Variants in MRM1 observed in about 807,000 individuals in gnomAD.
MRM1 encodes the protein rRNA methyltransferase 1, mitochondrial.
In MRM1, 24 loss-of-function variants were observed where a neutral mutation model predicts 25.0. The ratio of observed to expected loss-of-function variants is 0.96; its 90% CI spans 0.69 to 1.35. The LOEUF (loss-of-function observed/expected upper bound fraction) is 1.35, where lower values mean the gene tolerates loss of function less well. Among genes scored for constraint, MRM1 ranks in the 40% most tolerant of loss-of-function variants. MRM1 has a pLI of 0.00. For missense variants in MRM1, 431 were observed against 464.1 expected (o/e 0.93, Z 0.65); for synonymous variants, 188 against 199.2 (o/e 0.94, Z 0.47).
Position 36,601,898 on chromosome 17 carries a change from C to T in MRM1, c.88C>T (p.Pro30Ser). The T allele has an allele frequency of 6.2e-7, 1 of 1,611,494 alleles. No homozygotes were observed. The highest frequency in any genetic ancestry group is 2.2e-5 in the East Asian group (1 of 44,848). The change falls in exon 1 of 5, where the codon CCT becomes TCT. Residue 30 changes from proline (P) to serine (S), a missense_variant. Pro to Ser is a moderately conservative substitution (Grantham distance 74). Transcript: ENST00000614766. Reference sequence around the variant, plus strand: ...CCATGCAGCGCGGCATGGGGAGCGGCCTGGTGGGGAGGAGCTAAGCCGCTT... The same window carrying T: ...CCATGCAGCGCGGCATGGGGAGCGGTCTGGTGGGGAGGAGCTAAGCCGCTT... ...FSHAARHGER[P>S]GGEELSRLLL... is the part of the protein sequence containing the mutation.
chr17:36,631,511 T>G, the MRM1 span, among the ~76,000 whole-genome samples: 1 of 152,336 alleles, frequency 6.6e-6, no homozygotes, highest in Admixed American at 6.5e-5. Flanking sequence ...TCTGCTTCCT[T>G]TTGTGAAAGG....
Position 36,602,750 on chromosome 17 carries a change from C to T in MRM1, c.636+104C>T. ...AGGGAGAGAAAGGGGCATGTTGGCA[C>T]CGCTTCCTTTGGCCTTCTAAATCCC... On this transcript the variant is annotated intron_variant, in intron 2 of 4. Coordinates refer to ENST00000614766, the MANE Select transcript of MRM1 (RefSeq NM_024864.5). The surrounding 1 kb of genome is among the most constrained non-coding windows in gnomAD (Gnocchi z 4.1). 7.0e-7 allele frequency: 1 copy of T among 1,421,348 alleles called. No individual in the cohort carries two copies. The highest frequency in any genetic ancestry group is 1.2e-5 in the South Asian group (1 of 83,566). 88.0% of individuals were successfully genotyped at this position (1,421,348 alleles called of 1,614,324 possible). A position where few individuals can be genotyped will look rare whatever the true frequency, so the allele number is the denominator to read the frequency against.
In MRM1 at chr17:36,608,429, C is replaced by G; in HGVS notation, c.*14C>G. 1 of 1,513,888 alleles carries G rather than the reference C, an allele frequency of 6.6e-7. No homozygotes were observed. Among genetic ancestry groups the G allele is most frequent in the Non-Finnish European group, 8.8e-7 (1 of 1,130,636 alleles). The allele number at this position is 1,513,888 out of a possible 1,614,324, so 93.8% of individuals were successfully genotyped here. A position where few individuals can be genotyped will look rare whatever the true frequency, so the allele number is the denominator to read the frequency against. On this transcript the variant is annotated 3_prime_UTR_variant, in exon 5 of 5. Transcript: ENST00000614766. The stretch of plus-strand genomic sequence containing the variant: ...AATGAGGGCTGACGTGGACTGTCCA[C>G]AGTGTTCATGTGCTGGAGTCAGGGA...
Position 36,601,780 on chromosome 17 carries a change from G to T in MRM1, c.-31G>T. ...GTTACCGCTCCCGGGGACGCAGCAA[G>T]GGGCATCGAGTCCCTGGCGGGAGCT... On this transcript the variant is annotated 5_prime_UTR_variant, in exon 1 of 5. In the 5' UTR this introduces an upstream ATG that the reference lacks. Transcript: ENST00000614766. 1 of 1,516,278 alleles carries T rather than the reference G, an allele frequency of 6.6e-7. No homozygotes were observed. Among genetic ancestry groups the T allele is most frequent in the Non-Finnish European group, 8.8e-7 (1 of 1,135,502 alleles). The allele number at this position is 1,516,278 out of a possible 1,614,324, so 93.9% of individuals were successfully genotyped here.
At chr17:36,630,936 T>C in the MRM1 span, among the ~76,000 whole-genome samples, 1 of 152,180 alleles carries the variant, frequency 6.6e-6, no homozygotes, top group Non-Finnish European at 1.5e-5. Context: ...TGGGCGAGTT[T>C]CCTGGAGTAA....
the MRM1 span, among the ~76,000 whole-genome samples, chr17:36,615,139 C>T: frequency 1.1e-4 from 16 of 152,316 alleles, no homozygotes; most frequent in East Asian, 7.7e-4. Context: ...GCCTGTCCTT[C>T]GCCCCTGCCA....
the MRM1 span, among the ~76,000 whole-genome samples, chr17:36,623,151 T>G: frequency 1.8e-4 from 27 of 152,208 alleles, no homozygotes; most frequent in African/African-American, 5.5e-4. Context: ...TGTGCATGTG[T>G]GTTCTCCCTG....
the MRM1 span, among the ~76,000 whole-genome samples, chr17:36,614,123 G>A: frequency 6.6e-6 from 1 of 151,536 alleles, no homozygotes; most frequent in Non-Finnish European, 1.5e-5. Flanking sequence ...GGCTTTTGAA[G>A]CTAAAAAAAA....
intron 4 of MRM1, 31 bp downstream of exon 4, chr17:36,608,049 T>TCCCTCTAATCACGCAGGTGGGATTTGATG: frequency 1.2e-6 from 2 of 1,609,318 alleles, no homozygotes; most frequent in South Asian, 2.2e-5. Flanking sequence ...CTTTCCTCTA[T>TCCCTCTAATCACGCAGGTGGGATTTGATG]CCCTCTAATC....
At chr17:36,626,447 C>T in the MRM1 span, among the ~76,000 whole-genome samples, 1 of 152,116 alleles carries the variant, frequency 6.6e-6, no homozygotes, top group Non-Finnish European at 1.5e-5. Context: ...ACTGCAAACT[C>T]CACCTCCCGT....
At chr17:36,623,880 G>A in the MRM1 span, among the ~76,000 whole-genome samples, 1 of 152,136 alleles carries the variant, frequency 6.6e-6, no homozygotes, top group African/African-American at 2.4e-5. Context: ...TCCACTTCAT[G>A]CCCGGTGGGA....
chr17:36,620,160 T>C, the MRM1 span, among the ~76,000 whole-genome samples: 3 of 152,240 alleles, frequency 2.0e-5, no homozygotes, highest in African/African-American at 7.2e-5. Flanking sequence ...CTTTTCACTC[T>C]GCGGGTTGTA....
the MRM1 span, among the ~76,000 whole-genome samples, chr17:36,617,938 C>T: frequency 6.6e-6 from 1 of 152,332 alleles, no homozygotes; most frequent in East Asian, 1.9e-4. Context: ...CACCGGCTTC[C>T]TGTGCCCTCG....
chr17:36,603,168 C>G lies in MRM1; in HGVS notation c.636+522C>G, dbSNP rs1035440565. The G allele has an allele frequency of 2.5e-5, 23 of 915,664 alleles. No individual in the cohort carries two copies. The African/African-American group carries it at 4.2e-4, about 17-fold the overall frequency. The allele number at this position is 915,664 out of a possible 1,614,324, so 56.7% of individuals were successfully genotyped here. ...GCATATGGAATCCCCTCTGACCATA[C>G]CCCCCCCAACCCCCACCCCAACTGC... On this transcript the variant is annotated intron_variant, in intron 2 of 4. Coordinates refer to ENST00000614766, the MANE Select transcript of MRM1 (RefSeq NM_024864.5).
chr17:36,615,745 C>A, the MRM1 span, among the ~76,000 whole-genome samples: 45 of 152,194 alleles, frequency 3.0e-4, no homozygotes, highest in African/African-American at 1.0e-3. Context: ...CCTGTAATCC[C>A]AGTACTTTGG....
chr17:36,612,807 C>T (rs1055285830), downstream of MRM1, among the ~76,000 whole-genome samples: 7 of 152,296 alleles, frequency 4.6e-5, no homozygotes, highest in East Asian at 1.2e-3. Flanking sequence ...AGAGGTCATA[C>T]ATGTAAAACC....
intron 2 of MRM1, among the ~76,000 whole-genome samples, chr17:36,606,524 C>T (rs904688928): frequency 6.6e-6 from 1 of 151,180 alleles, no homozygotes; most frequent in Non-Finnish European, 1.5e-5. Context: ...AAGAGATCCT[C>T]GTGTCTCCTG....
chr17:36,604,488 C>G (rs1203747645), intron 2 of MRM1, among the ~76,000 whole-genome samples: 1 of 152,146 alleles, frequency 6.6e-6, no homozygotes, highest in Non-Finnish European at 1.5e-5. Flanking sequence ...TTTTAGTCCT[C>G]GGATCTCTTT....
chr17:36,629,381 A>G, the MRM1 span, among the ~76,000 whole-genome samples: 5 of 152,008 alleles, frequency 3.3e-5, no homozygotes, highest in African/African-American at 1.2e-4. Flanking sequence ...GCACCCGGCC[A>G]CCCCCATGAG....
Sources: allele counts gnomAD v4.1 joint callset (sites outside exome capture counted in the v4.1 genomes callset), GRCh38; gene constraint gnomAD v4.1.1; non-coding constraint Gnocchi (gnomAD v3.1); transcripts MANE v1.5; gene names NCBI Gene and HGNC (gene_info 2026-07-23, HGNC 2026-07-21).